Variants in KCNH5 observed in about 807,000 individuals in gnomAD.
The protein encoded by KCNH5 is potassium voltage-gated channel subfamily H member 5, also known as voltage-gated delayed rectifier potassium channel KCNH5.
In KCNH5, 46 loss-of-function variants were observed where a neutral mutation model predicts 96.1. The ratio of observed to expected loss-of-function variants is 0.48; its 90% CI spans 0.38 to 0.61. KCNH5 has a LOEUF of 0.61. Among genes scored for constraint, KCNH5 ranks in the 20% least tolerant of loss-of-function variants. The probability of loss-of-function intolerance (pLI) is 0.00; values close to 1 mark genes in which losing one functional copy is unlikely to be tolerated. For synonymous variants in KCNH5, 439 were observed against 449.8 expected, an observed-to-expected ratio of 0.98 and a Z score of 0.30; for missense variants, 907 against 1,225.8, an observed-to-expected ratio of 0.74 and a Z score of 3.88.
chr14:62,868,609 T>A (rs1214490214), intron 7 of KCNH5, among the ~76,000 whole-genome samples: 2 of 152,146 alleles, frequency 1.3e-5, no homozygotes, highest in African/African-American at 4.8e-5. Context: ...AACGTGCAGG[T>A]TTGTTACACA....
intron 10 of KCNH5, chr14:62,712,237 T>C (rs1175894657): frequency 6.3e-6 from 1 of 159,108 alleles, no homozygotes; most frequent in Non-Finnish European, 1.4e-5. Flanking sequence ...GAATTGACTT[T>C]ATAGGATTAG....
intron 10 of KCNH5, among the ~76,000 whole-genome samples, chr14:62,768,009 T>C (rs1019120635): frequency 2.0e-5 from 3 of 152,096 alleles, no homozygotes; most frequent in Non-Finnish European, 4.4e-5. Flanking sequence ...AAGTAATGTG[T>C]GTACATGAAC....
At chr14:62,801,654 A>G (rs7152953) in intron 9 of KCNH5, among the ~76,000 whole-genome samples, 42,913 of 151,818 alleles carry the variant, frequency 0.28, 6,835 homozygotes, top group South Asian at 0.53. Flanking sequence ...AAATTCTAAA[A>G]TGCTCTAAAT....
At chr14:62,958,904 A>G (rs1268662779) in intron 6 of KCNH5, among the ~76,000 whole-genome samples, 5 of 151,928 alleles carry the variant, frequency 3.3e-5, no homozygotes, top group African/African-American at 9.7e-5. Context: ...TCTCTACTCT[A>G]CTCAAAACTC....
intron 7 of KCNH5, among the ~76,000 whole-genome samples, chr14:62,878,134 G>A (rs1397703089): frequency 7.3e-6 from 1 of 136,228 alleles, no homozygotes; most frequent in East Asian, 2.2e-4. Flanking sequence ...TCATAGGTGG[G>A]AATTGAACAA....
At chr14:62,715,914 C>T (rs1884675558) in intron 10 of KCNH5, among the ~76,000 whole-genome samples, 1 of 151,900 alleles carries the variant, frequency 6.6e-6, no homozygotes, top group South Asian at 2.1e-4. Context: ...GCAGGTGATG[C>T]CTAATGTAAG....
At chr14:62,936,297 G>T (rs1294911945) in intron 7 of KCNH5, among the ~76,000 whole-genome samples, 4 of 152,150 alleles carry the variant, frequency 2.6e-5, no homozygotes, top group African/African-American at 9.7e-5. Context: ...ATGTATATTA[G>T]CTTAGGATTA....
chr14:62,901,719 T>C (rs1005983448), intron 7 of KCNH5, among the ~76,000 whole-genome samples: 1 of 152,196 alleles, frequency 6.6e-6, no homozygotes, highest in Non-Finnish European at 1.5e-5. Context: ...GGTAGAATGA[T>C]TGGATTTCTT....
chr14:62,936,921 G>C (rs530761995), intron 7 of KCNH5, among the ~76,000 whole-genome samples: 4 of 150,228 alleles, frequency 2.7e-5, no homozygotes, highest in Admixed American at 2.0e-4. Flanking sequence ...GCAGAGGTTG[G>C]GGTGAGTGGA....
Position 63,045,193 on chromosome 14 carries a change from TC to T in KCNH5, c.-8del, listed in dbSNP as rs772892293. 3.7e-6 allele frequency: 6 copies of T among 1,612,412 alleles called. 1 individual carries two copies. The South Asian group carries it at 6.6e-5, about 18-fold the overall frequency. The stretch of plus-strand genomic sequence containing the variant: ...CTCTCTTGCCCCCCGGCATCCTGGG[TC>T]TGGAGAGCAGCGGCCAGGATCCGCG... On this transcript the variant is annotated 5_prime_UTR_variant, in exon 1 of 11. Transcript: ENST00000322893.
intron 7 of KCNH5, among the ~76,000 whole-genome samples, chr14:62,864,546 G>A (rs1403991312): frequency 6.6e-6 from 1 of 152,162 alleles, no homozygotes; most frequent in Non-Finnish European, 1.5e-5. Flanking sequence ...AGATGAGTTG[G>A]TCAAGGTGGA....
In KCNH5 at chr14:62,814,143, C is replaced by T. The variant is rs75982058; in HGVS notation, c.1570-11562G>A. Among the ~76,000 whole-genome samples the T allele has an allele frequency of 3.4e-3, 514 of 152,286 alleles. 2 individuals carry two copies. Among genetic ancestry groups the T allele is most frequent in the African/African-American group, 0.012 (498 of 41,558 alleles). ...TTGGTTTCACTTTAGAGATAAAGTT[C>T]CTGTGACTAGACTTCATATATAAAA... On this transcript the variant is annotated intron_variant, in intron 8 of 10. Transcript: ENST00000322893.
chr14:62,754,673 G>A (rs959249833), intron 10 of KCNH5, among the ~76,000 whole-genome samples: 4 of 151,696 alleles, frequency 2.6e-5, no homozygotes, highest in Admixed American at 1.3e-4. Flanking sequence ...AGGAGTTCAC[G>A]ACCAGCCCAG....
At chr14:62,780,712 C>T (rs1221828178) in intron 9 of KCNH5, among the ~76,000 whole-genome samples, 2 of 152,164 alleles carry the variant, frequency 1.3e-5, no homozygotes, top group East Asian at 3.9e-4. Context: ...AAATCAAGTA[C>T]TTAGTTGCCC....
At chr14:62,954,454 T>C (rs972056110) in intron 6 of KCNH5, among the ~76,000 whole-genome samples, 2 of 152,216 alleles carry the variant, frequency 1.3e-5, no homozygotes, top group African/African-American at 4.8e-5. Context: ...CATATGGTAA[T>C]ATGTTAAGCA....
At chr14:62,719,812 T>C (rs1884767618) in intron 10 of KCNH5, among the ~76,000 whole-genome samples, 1 of 152,246 alleles carries the variant, frequency 6.6e-6, no homozygotes, top group South Asian at 2.1e-4. Flanking sequence ...AGGACTCAAA[T>C]ACAGAAGTAC....
intron 4 of KCNH5, among the ~76,000 whole-genome samples, chr14:63,000,024 T>C (rs1014549980): frequency 2.0e-5 from 3 of 152,202 alleles, no homozygotes; most frequent in Admixed American, 2.0e-4. Flanking sequence ...CTTTATTCGA[T>C]CTTCAAAGCA....
intron 2 of KCNH5, among the ~76,000 whole-genome samples, chr14:63,014,153 G>A (rs926726227): frequency 1.2e-4 from 18 of 152,092 alleles, no homozygotes; most frequent in Admixed American, 4.6e-4. Flanking sequence ...TCTCTGATAA[G>A]TAAAGACAAT....
At chr14:62,884,913 CT>C (rs1226779460) in intron 7 of KCNH5, among the ~76,000 whole-genome samples, 4 of 152,110 alleles carry the variant, frequency 2.6e-5, no homozygotes, top group Non-Finnish European at 5.9e-5. Context: ...AAACTAAATG[CT>C]TTAAATACAA....
Sources: gnomAD v4.1 joint callset for allele counts (sites outside exome capture counted in the v4.1 genomes callset) on GRCh38, gnomAD v4.1.1 for gene constraint, MANE v1.5 for transcripts, NCBI Gene and HGNC (gene_info 2026-07-23, HGNC 2026-07-21) for gene names.